The following NKD1 variants were observed in gnomAD, a reference collection of about 807,000 sequenced individuals.
The protein encoded by NKD1 is protein naked cuticle homolog 1.
In NKD1, 21 loss-of-function variants were observed where a neutral mutation model predicts 56.0. The ratio of observed to expected loss-of-function variants is 0.38; its 90% CI spans 0.27 to 0.54. The LOEUF (loss-of-function observed/expected upper bound fraction) is 0.54. Ranked by LOEUF, NKD1 falls within the 20% of genes least tolerant of loss-of-function variation. The probability of loss-of-function intolerance (pLI) is 0.82; values close to 1 mark genes in which losing one functional copy is unlikely to be tolerated. For missense variants in NKD1, 578 were observed against 642.7 expected, an observed-to-expected ratio of 0.90 and a Z score of 1.09; for synonymous variants, 263 against 265.7, an observed-to-expected ratio of 0.99 and a Z score of 0.10.
At chr16:50,608,477 C>A in intron 4 of NKD1, 117 bp downstream of exon 4, 2 of 586,672 alleles carry the variant, frequency 3.4e-6, no homozygotes, top group East Asian at 3.8e-5. Flanking sequence ...CAACAGGGAC[C>A]TTGTGACTCT....
chr16:50,599,144 A>G (rs1961541434), intron 3 of NKD1, among the ~76,000 whole-genome samples: 1 of 152,004 alleles, frequency 6.6e-6, no homozygotes, highest in African/African-American at 2.4e-5. Context: ...CTGGGCTTTG[A>G]TCCGCTGTGG....
intron 3 of NKD1, among the ~76,000 whole-genome samples, chr16:50,576,403 T>C (rs1960994860): frequency 6.6e-6 from 1 of 152,240 alleles, no homozygotes; most frequent in African/African-American, 2.4e-5. Context: ...TAAATATTGA[T>C]AATGAATGAC....
chr16:50,616,530 T>C (rs766875257), intron 4 of NKD1, among the ~76,000 whole-genome samples: 9 of 152,206 alleles, frequency 5.9e-5, no homozygotes, highest in Non-Finnish European at 1.0e-4. Flanking sequence ...TCCTTATGCC[T>C]ACCTGTAGAA....
At chr16:50,610,015 T>C (rs1449983042) in intron 4 of NKD1, among the ~76,000 whole-genome samples, 1 of 152,154 alleles carries the variant, frequency 6.6e-6, no homozygotes, top group African/African-American at 2.4e-5. Context: ...GTCTGTGTTA[T>C]CTGCATTTCA....
chr16:50,587,581 G>T (rs779750373), intron 3 of NKD1, among the ~76,000 whole-genome samples: 4 of 152,210 alleles, frequency 2.6e-5, no homozygotes, highest in Non-Finnish European at 2.9e-5. Flanking sequence ...TCTGAAAGAA[G>T]GTGTGGGTCA....
At position 50,596,516 on chromosome 16, in the gene NKD1, G is replaced by A. The variant is rs527728123; in HGVS notation, c.193-11778G>A. Reference sequence around the variant, plus strand: ...CATTTTGGTGCCCGTCTCTGCAGACGTGTGCCTCCTACTACAGCGCGTGGA... The same window carrying A: ...CATTTTGGTGCCCGTCTCTGCAGACATGTGCCTCCTACTACAGCGCGTGGA... On this transcript the variant is annotated intron_variant, in intron 3 of 9. Coordinates refer to ENST00000268459, the MANE Select transcript of NKD1 (RefSeq NM_033119.5). 5.9e-5 allele frequency among the ~76,000 whole-genome samples: 9 copies of A among 152,194 alleles called. No homozygotes were observed. The East Asian group carries it at 1.3e-3, about 23-fold the overall frequency.
chr16:50,577,536 C>T (rs1284120996), intron 3 of NKD1, among the ~76,000 whole-genome samples: 1 of 152,092 alleles, frequency 6.6e-6, no homozygotes, highest in Non-Finnish European at 1.5e-5. Flanking sequence ...AAGATCTGCC[C>T]TCTTAGAAAA....
intron 8 of NKD1, 92 bp downstream of exon 8, chr16:50,631,002 G>C (rs760896459): frequency 1.0e-5 from 10 of 993,074 alleles, no homozygotes; most frequent in African/African-American, 1.6e-5. Context: ...GCTCTGGTCT[G>C]TGTTCTCTTC....
chr16:50,649,232 A>G lies in NKD1; in HGVS notation c.*15451A>G, dbSNP rs543622515. 1 of 152,312 alleles carries G rather than the reference A, an allele frequency of 6.6e-6. No individual in the cohort carries two copies. Among genetic ancestry groups the G allele is most frequent in the Admixed American group, 6.5e-5 (1 of 15,300 alleles). 9.4% of individuals were successfully genotyped at this position (152,312 alleles called of 1,614,324 possible). A position where few individuals can be genotyped will look rare whatever the true frequency, so the allele number is the denominator to read the frequency against. ...TGATAATTTATAATTATTTCAAAAT[A>G]AAAAAATTTTAAAAATAGTGGCGTT... On this transcript the variant is annotated 3_prime_UTR_variant, in exon 10 of 10. Coordinates refer to ENST00000268459, the MANE Select transcript of NKD1 (RefSeq NM_033119.5).
rs559423547 is a variant in NKD1, at chr16:50,598,301, C to G, written c.193-9993C>G. 6.6e-6 allele frequency among the ~76,000 whole-genome samples: 1 copy of G among 150,782 alleles called. No homozygotes were observed. The highest frequency in any genetic ancestry group is 2.5e-5 in the African/African-American group (1 of 40,652). On this transcript the variant is annotated intron_variant, in intron 3 of 9. Transcript: ENST00000268459. The surrounding 1 kb of genome is among the most constrained non-coding windows in gnomAD (Gnocchi z 4.2). ...TGCTCATGGACACTCTTGTCCTGTC[C>G]GTAAAATGAGGCCTCAGGGTATAGG... is the stretch of plus-strand genomic sequence containing the variant.
rs55686629 is a variant in NKD1 at position 50,602,740 on chromosome 16, G to A, written c.193-5554G>A. 6.2e-3 allele frequency among the ~76,000 whole-genome samples: 945 copies of A among 152,330 alleles called. 11 individuals carry two copies. The highest frequency in any genetic ancestry group is 9.8e-3 in the Non-Finnish European group (664 of 68,034). On this transcript the variant is annotated intron_variant, in intron 3 of 9. Transcript: ENST00000268459. ...GTACAGGTAGCAGCACAGTCTGCGT[G>A]TCTTCCTGTGAGGGCTCCTTTGCCT...
intron 4 of NKD1, among the ~76,000 whole-genome samples, chr16:50,615,770 T>C (rs577849268): frequency 6.6e-6 from 1 of 152,324 alleles, no homozygotes; most frequent in African/African-American, 2.4e-5. Flanking sequence ...TAGCACACCC[T>C]GCACAGTGTT....
chr16:50,628,601 C>A (rs933447773), intron 6 of NKD1, among the ~76,000 whole-genome samples: 1 of 152,174 alleles, frequency 6.6e-6, no homozygotes, highest in Non-Finnish European at 1.5e-5. Context: ...TGAGGAGAAT[C>A]GGTGCCCTCC....
chr16:50,616,190 T>C (rs1961956949), intron 4 of NKD1: 1 of 421,042 alleles, frequency 2.4e-6, no homozygotes, highest in Admixed American at 2.4e-5. Flanking sequence ...AGCAAGGAAG[T>C]TCTGGCTTGT....
rs952673137 is a variant in NKD1 at position 50,584,537 on chromosome 16, A to G, written c.193-23757A>G. Among the ~76,000 whole-genome samples, 5 of 152,248 alleles carry G rather than the reference A, an allele frequency of 3.3e-5. No individual in the cohort carries two copies. The South Asian group carries it at 8.3e-4, about 25-fold the overall frequency. On this transcript the variant is annotated intron_variant, in intron 3 of 9. Coordinates refer to ENST00000268459, the MANE Select transcript of NKD1 (RefSeq NM_033119.5). ...AATGTGTAACTTTGGGGCATTATTT[A>G]ACCTGTGCCTCAGTTTTCTCATCTG... is the stretch of plus-strand genomic sequence containing the variant.
chr16:50,613,608 A>C (rs1266122197), intron 4 of NKD1: 1 of 152,226 alleles, frequency 6.6e-6, no homozygotes, highest in Non-Finnish European at 1.5e-5. Flanking sequence ...GTTTCTCTCA[A>C]GTCTGCTCCT....
chr16:50,572,827 G>A, intron 3 of NKD1: 9 of 957,828 alleles, frequency 9.4e-6, no homozygotes, highest in Non-Finnish European at 1.1e-5. Flanking sequence ...CCCAGGAGAT[G>A]TGGAGGTTAG....
rs1962619378 is a variant in NKD1, at chr16:50,643,471, G to A, written c.*9690G>A. 6.6e-6 allele frequency: 1 copy of A among 152,318 alleles called. No homozygotes were observed. Among genetic ancestry groups the A allele is most frequent in the Admixed American group, 6.5e-5 (1 of 15,292 alleles). The allele number at this position is 152,318 out of a possible 1,614,324, so 9.4% of individuals were successfully genotyped here. ...AAGTCCAGGGACACGTGAGGCAAGG[G>A]GAGCTGGGGCTGCTGGTGTGGCCGA... On this transcript the variant is annotated 3_prime_UTR_variant, in exon 10 of 10. Coordinates refer to ENST00000268459, the MANE Select transcript of NKD1 (RefSeq NM_033119.5).
rs1249038678 is a variant in NKD1, at chr16:50,632,287, G to C, written c.702G>C (p.Gln234His). 1.2e-6 allele frequency: 2 copies of C among 1,614,152 alleles called. No homozygotes were observed. Among genetic ancestry groups the C allele is most frequent in the East Asian group, 2.2e-5 (1 of 44,874 alleles). ...CTTGCCTCCCCTGCCGTAGGTTCCA[G>C]GGTGACAGCCGCCTGGAGCAGTCTG... ...EKKQRAPLRF[Q>H]GDSRLEQSGC... The change falls in exon 9 of 10, where the codon CAG (glutamine) becomes CAC (histidine). Residue 234 changes from glutamine to histidine, a missense_variant. By Grantham distance (24) the Gln-to-His change is conservative. Transcript: ENST00000268459. This position sits in a 1 kb window ranked among gnomAD's most constrained non-coding sequence, Gnocchi z 4.1.
Sources: gnomAD v4.1 joint callset for allele counts (sites outside exome capture counted in the v4.1 genomes callset) on GRCh38, gnomAD v4.1.1 for gene constraint, Gnocchi (gnomAD v3.1) non-coding constraint, MANE v1.5 for transcripts, NCBI Gene and HGNC (gene_info 2026-07-23, HGNC 2026-07-21) for gene names.